Variants in MRM3 observed in about 807,000 individuals in gnomAD.
The protein encoded by MRM3 is rRNA methyltransferase 3, mitochondrial.
Under a neutral mutation model 29.4 loss-of-function variants are expected in MRM3, and 26 were observed. That is an observed-to-expected ratio of 0.89 (90% confidence interval 0.65 to 1.23). The LOEUF is 1.23. Ranked by LOEUF, MRM3 falls within the 50% of genes most tolerant of loss-of-function variation. The pLI is 0.00. For missense variants in MRM3, 578 were observed against 540.2 expected, an observed-to-expected ratio of 1.07 and a Z score of -0.69; for synonymous variants, 225 against 219.0, an observed-to-expected ratio of 1.03 and a Z score of -0.24.
Position 782,428 on chromosome 17 carries a change from A to T in MRM3, c.50A>T (p.Gln17Leu). The T allele has an allele frequency of 6.2e-7, 1 of 1,614,000 alleles. No homozygotes were observed. Among genetic ancestry groups the T allele is most frequent in the Non-Finnish European group, 8.5e-7 (1 of 1,179,996 alleles). Residue 17 changes from glutamine to leucine, a missense_variant, in exon 1 of 4, where the codon CAG (glutamine) becomes CTG (leucine). Coordinates refer to ENST00000304478, the MANE Select transcript of MRM3 (RefSeq NM_018146.4). ...PARFVVRPLLQVVQAWDLDAR... is the reference protein window; with the variant it reads ...PARFVVRPLLLVVQAWDLDAR... ...AGGTTTGTCGTGCGACCGTTGCTGCAGGTGGTCCAGGCTTGGGACCTTGAC... is the reference window on the plus strand; with the variant it reads ...AGGTTTGTCGTGCGACCGTTGCTGCTGGTGGTCCAGGCTTGGGACCTTGAC...
At chr17:788,164 C>G (rs773819815) in intron 3 of MRM3, 32 bp downstream of exon 3, 3 of 1,610,832 alleles carry the variant, frequency 1.9e-6, no homozygotes, top group South Asian at 2.2e-5. Context: ...CATAGTGGCT[C>G]ACACTCGTAA....
At chr17:789,885 C>T (rs538299215) in intron 3 of MRM3, 1 of 152,300 alleles carries the variant, frequency 6.6e-6, no homozygotes, top group South Asian at 2.1e-4. Context: ...ATGAGGATGA[C>T]GGGAGGAGTC....
Position 791,888 on chromosome 17 carries a change from G to A in MRM3, c.1082G>A (p.Gly361Asp). ...AAVVIGGETY[G>D]VSLESLQLAE... ...GTGGTGATTGGCGGGGAGACCTACG[G>A]CGTGAGCCTGGAGTCCCTGCAGCTG... The change falls in exon 4 of 4, where the codon GGC becomes GAC. Residue 361 changes from glycine to aspartate, a missense_variant. By Grantham distance (94) the Gly-to-Asp change is moderately conservative (BLOSUM62 -1). Transcript: ENST00000304478. 2 of 1,613,914 alleles carry A rather than the reference G, an allele frequency of 1.2e-6. No homozygotes were observed. The highest frequency in any genetic ancestry group is 8.5e-7 in the Non-Finnish European group (1 of 1,180,038).
chr17:789,699 T>C (rs1910704733), intron 3 of MRM3: 1 of 152,240 alleles, frequency 6.6e-6, no homozygotes, highest in Non-Finnish European at 1.5e-5. Context: ...TGGGGTTCTG[T>C]GATCAGTACC....
chr17:789,922 T>A (rs938364694), intron 3 of MRM3: 1 of 152,172 alleles, frequency 6.6e-6, no homozygotes, highest in Non-Finnish European at 1.5e-5. Flanking sequence ...CCTTCTCCCC[T>A]CCAGGCAGAG....
At position 788,214 on chromosome 17, in the gene MRM3, G is replaced by A. The variant is rs1332743492; in HGVS notation, c.727+82G>A. The A allele has an allele frequency of 3.0e-5, 43 of 1,426,312 alleles. No homozygotes were observed. The East Asian group carries it at 9.6e-4, about 32-fold the overall frequency. 88.4% of individuals were successfully genotyped at this position (1,426,312 alleles called of 1,614,324 possible). On this transcript the variant is annotated intron_variant, in intron 3 of 3. Transcript: ENST00000304478. The stretch of plus-strand genomic sequence containing the variant: ...AGGCCGAGGCAGGAGGGTCACTTGA[G>A]CCCAGGAGTTCAGGACCATCCTGGG...
intron 3 of MRM3, 33 bp from the exon 4 acceptor site, chr17:791,501 T>TAACA (rs1284187098): frequency 1.3e-6 from 2 of 1,595,196 alleles, no homozygotes; most frequent in African/African-American, 1.3e-5. Context: ...GGAAGATTTG[T>TAACA]AACATCTTGA....
rs771346007 is a variant in MRM3 at position 782,505 on chromosome 17, C to T, written c.127C>T (p.Pro43Ser). The T allele has an allele frequency of 2.5e-6, 4 of 1,613,354 alleles. No individual in the cohort carries two copies. The highest frequency in any genetic ancestry group is 3.4e-6 in the Non-Finnish European group (4 of 1,179,474). Residue 43 changes from proline (P) to serine (S), a missense_variant, in exon 1 of 4, where the codon CCT becomes TCT. Transcript: ENST00000304478. ...LRRSPVKVVF[P>S]SGEVVEQKRA... ...GCGGAGCCCAGTGAAAGTGGTGTTT[C>T]CTTCCGGAGAGGTGGTGGAACAGAA...
At chr17:783,053 C>A in intron 1 of MRM3, 30 bp from the exon 2 acceptor site, 4 of 1,514,792 alleles carry the variant, frequency 2.6e-6, no homozygotes, top group Non-Finnish European at 3.5e-6. Flanking sequence ...TTGATAGTTA[C>A]CTGTTTTTTT....
chr17:791,487 T>C, intron 3 of MRM3, 47 bp from the exon 4 acceptor site: 1 of 1,574,986 alleles, frequency 6.3e-7, no homozygotes, highest in African/African-American at 1.3e-5. Flanking sequence ...AGTCCCCTGG[T>C]CTGGGAAGAT....
chr17:792,016 A>C lies in MRM3; in HGVS notation c.1210A>C (p.Arg404=), dbSNP rs1390940591. The C allele has an allele frequency of 6.2e-7, 1 of 1,613,706 alleles. No homozygotes were observed. The highest frequency in any genetic ancestry group is 1.3e-5 in the African/African-American group (1 of 75,056). ...AASILLFEGK[R]QLRGRAEDLS... ...AAGCATCCTGCTTTTCGAAGGGAAA[A>C]GACAGCTGCGGGGGAGGGCGGAGGA... Residue 404 remains arginine, a synonymous_variant, in exon 4 of 4, where the codon AGA becomes CGA. Transcript: ENST00000304478.
At position 787,979 on chromosome 17, in the gene MRM3, C is replaced by T; in HGVS notation, c.574C>T (p.Pro192Ser). The T allele has an allele frequency of 6.2e-7, 1 of 1,613,686 alleles. No individual in the cohort carries two copies. The highest frequency in any genetic ancestry group is 1.1e-5 in the South Asian group (1 of 91,048). The change falls in exon 3 of 4, where the codon CCT becomes TCT. Residue 192 changes from proline (P) to serine (S), a missense_variant. By Grantham distance (74) the Pro-to-Ser change is moderately conservative (BLOSUM62 -1). Transcript: ENST00000304478. The surrounding 1 kb of genome is among the most constrained non-coding windows in gnomAD (Gnocchi z 4.1). The part of the protein sequence containing the change: ...PQGIMGIFAK[P>S]DHVKMTYPKT... Reference sequence around the variant, plus strand: ...TGTTTCCTCAGGGATTTTTGCCAAGCCTGACCATGTTAAGATGACATATCC... The same window carrying T: ...TGTTTCCTCAGGGATTTTTGCCAAGTCTGACCATGTTAAGATGACATATCC...
chr17:789,027 G>A (rs559079470), intron 3 of MRM3, among the ~76,000 whole-genome samples: 9 of 152,222 alleles, frequency 5.9e-5, no homozygotes, highest in Admixed American at 5.9e-4. Context: ...GTCTTGCTGT[G>A]TTGCCCAGGC....
chr17:782,936 C>T, intron 1 of MRM3, 147 bp from the exon 2 acceptor site: 1 of 1,216,142 alleles, frequency 8.2e-7, no homozygotes, highest in Non-Finnish European at 1.1e-6. Flanking sequence ...GATCCGCCCG[C>T]CTCGGCCTCC....
intron 2 of MRM3, 44 bp downstream of exon 2, chr17:783,371 C>G: frequency 6.6e-7 from 1 of 1,514,394 alleles, no homozygotes. Flanking sequence ...TTGTCTTGTT[C>G]TGTCACCCAG....
In MRM3 at chr17:787,077, T is replaced by C. The variant is rs905443579; in HGVS notation, c.560-888T>C. Reference sequence around the variant, plus strand: ...GGCCAACATGGCAAAATCCCGTCTCTATTAAAAATACAAAAAATTAGCCGG... The same window carrying C: ...GGCCAACATGGCAAAATCCCGTCTCCATTAAAAATACAAAAAATTAGCCGG... On this transcript the variant is annotated intron_variant, in intron 2 of 3. Transcript: ENST00000304478. The surrounding 1 kb of genome is among the most constrained non-coding windows in gnomAD (Gnocchi z 4.1). 3.9e-5 allele frequency among the ~76,000 whole-genome samples: 6 copies of C among 152,140 alleles called. No individual in the cohort carries two copies. Among genetic ancestry groups the C allele is most frequent in the African/African-American group, 1.4e-4 (6 of 41,448 alleles).
chr17:789,244 G>T (rs1910685440), intron 3 of MRM3, among the ~76,000 whole-genome samples: 1 of 152,194 alleles, frequency 6.6e-6, no homozygotes, highest in Non-Finnish European at 1.5e-5. Flanking sequence ...TTTATGTAAT[G>T]ATATTGAGTT....
At chr17:788,191 G>A in intron 3 of MRM3, 59 bp downstream of exon 3, 1 of 1,572,574 alleles carries the variant, frequency 6.4e-7, no homozygotes, top group Non-Finnish European at 8.7e-7. Flanking sequence ...CCTTTGGGAG[G>A]CCGAGGCAGG....
At position 791,919 on chromosome 17, in the gene MRM3, G is replaced by A. The variant is rs140640971; in HGVS notation, c.1113G>A (p.Glu371=). The part of the protein sequence containing the change: ...GVSLESLQLA[E]STGGKRLLIP... ...GCCTGGAGTCCCTGCAGCTGGCCGAGAGCACTGGTGGCAAGAGGCTGCTGA... is the reference window on the plus strand; with the variant it reads ...GCCTGGAGTCCCTGCAGCTGGCCGAAAGCACTGGTGGCAAGAGGCTGCTGA... Residue 371 remains glutamate, a synonymous_variant, in exon 4 of 4, where the codon GAG becomes GAA. Transcript: ENST00000304478. 102 of 1,614,002 alleles carry A rather than the reference G, an allele frequency of 6.3e-5. No homozygotes were observed. The highest frequency in any genetic ancestry group is 8.0e-5 in the Non-Finnish European group (94 of 1,180,034).
Sources: gnomAD v4.1 joint callset for allele counts (sites outside exome capture counted in the v4.1 genomes callset) on GRCh38, gnomAD v4.1.1 for gene constraint, Gnocchi (gnomAD v3.1) non-coding constraint, MANE v1.5 for transcripts, NCBI Gene and HGNC (gene_info 2026-07-23, HGNC 2026-07-21) for gene names.